Variants in FRMD4A observed in about 807,000 individuals in gnomAD.
The protein encoded by FRMD4A is FERM domain containing 4A.
A neutral mutation model predicts 129.1 loss-of-function variants in FRMD4A; 29 were observed. That is an observed-to-expected ratio of 0.22 (90% confidence interval 0.17 to 0.31). FRMD4A has a LOEUF of 0.31. Ranked by LOEUF, FRMD4A falls within the 10% of genes least tolerant of loss-of-function variation. The pLI is 1.00. For missense variants in FRMD4A, 1,272 were observed against 1,375.8 expected, an observed-to-expected ratio of 0.92 and a Z score of 1.19; for synonymous variants, 634 against 571.6, an observed-to-expected ratio of 1.11 and a Z score of -1.56.
chr10:14,036,236 T>A (rs1262756001), intron 2 of FRMD4A, among the ~76,000 whole-genome samples: 1 of 152,102 alleles, frequency 6.6e-6, no homozygotes, highest in Non-Finnish European at 1.5e-5. Context: ...AGCCTCTGAC[T>A]CCAAATGGTA....
chr10:13,900,077 C>T (rs2094801807), intron 2 of FRMD4A, among the ~76,000 whole-genome samples: 1 of 152,098 alleles, frequency 6.6e-6, no homozygotes, highest in Non-Finnish European at 1.5e-5. Context: ...CAAGTGAATC[C>T]TATTATATTT....
intron 2 of FRMD4A, among the ~76,000 whole-genome samples, chr10:14,324,061 G>A (rs562410561): frequency 6.6e-6 from 1 of 152,270 alleles, no homozygotes; most frequent in Admixed American, 6.5e-5. Context: ...GAGACTCCCT[G>A]GTCACATCAG....
In FRMD4A at chr10:13,884,130, ACGCTCACACACACTCTCACACACT is replaced by A. The variant is rs1564970297; in HGVS notation, c.46-25242_46-25219del. 7.4e-5 allele frequency among the ~76,000 whole-genome samples: 7 copies of A among 94,912 alleles called. No individual in the cohort carries two copies. In the East Asian group the frequency reaches 1.5e-3, roughly 21 times the overall value. 62.3% of individuals were successfully genotyped at this position (94,912 alleles called of 152,430 possible). On this transcript the variant is annotated intron_variant, in intron 2 of 24. Transcript: ENST00000357447. ...CACACACACACACACACTCACACAC[ACGCTCACACACACTCTCACACACT>A]CTCACACACACACTCACACACTCAC...
intron 2 of FRMD4A, among the ~76,000 whole-genome samples, chr10:14,180,657 C>T (rs531902028): frequency 6.6e-6 from 1 of 152,298 alleles, no homozygotes; most frequent in East Asian, 1.9e-4. Flanking sequence ...TGTTATGCAG[C>T]CAATGGATAC....
intron 2 of FRMD4A, among the ~76,000 whole-genome samples, chr10:14,043,671 C>A (rs754221176): frequency 3.9e-4 from 59 of 152,198 alleles, no homozygotes; most frequent in Admixed American, 1.2e-3. Flanking sequence ...TGCACAGCTG[C>A]CTGGACAGGC....
intron 2 of FRMD4A, among the ~76,000 whole-genome samples, chr10:14,208,018 G>A (rs1206638486): frequency 6.6e-6 from 1 of 152,030 alleles, no homozygotes; most frequent in East Asian, 1.9e-4. Flanking sequence ...GCAACACAGT[G>A]AGACTTCATC....
chr10:14,057,541 C>T (rs1474583193), intron 2 of FRMD4A, among the ~76,000 whole-genome samples: 3 of 151,524 alleles, frequency 2.0e-5, no homozygotes, highest in African/African-American at 7.3e-5. Flanking sequence ...AACCAAAGGC[C>T]TCCCTTCCTA....
chr10:14,104,211 TTACACTGCCACTGAGGTC>T (rs1216113204), intron 2 of FRMD4A, among the ~76,000 whole-genome samples: 2 of 151,384 alleles, frequency 1.3e-5, no homozygotes, highest in Non-Finnish European at 2.9e-5. Flanking sequence ...GCCATGGGGG[TTACACTGCCACTGAGGTC>T]TACACTGCCA....
intron 2 of FRMD4A, among the ~76,000 whole-genome samples, chr10:14,129,267 CA>C (rs1463444374): frequency 1.3e-5 from 2 of 150,676 alleles, no homozygotes; most frequent in Admixed American, 6.6e-5. Flanking sequence ...GGCACAGAGA[CA>C]TTTTTTTTCT....
chr10:13,970,076 T>A (rs1331174046), intron 2 of FRMD4A, among the ~76,000 whole-genome samples: 2 of 152,300 alleles, frequency 1.3e-5, no homozygotes, highest in African/African-American at 4.8e-5. Flanking sequence ...GGGGATTTTT[T>A]TTCCCCCAGG....
rs185317928 is a variant in FRMD4A at position 13,856,145 on chromosome 10, G to A, written c.111+2702C>T. Among the ~76,000 whole-genome samples the A allele has an allele frequency of 4.0e-5, 6 of 151,784 alleles. No individual in the cohort carries two copies. In the East Asian group the frequency reaches 1.2e-3, roughly 29 times the overall value. On this transcript the variant is annotated intron_variant, in intron 3 of 24. Transcript: ENST00000357447. ...GTATAGGTAGTGTGTATATCTCTCAGTGTGTAGATAGATTGTGTGTGTATC... is the reference window on the plus strand; with the variant it reads ...GTATAGGTAGTGTGTATATCTCTCAATGTGTAGATAGATTGTGTGTGTATC...
chr10:14,235,366 T>C (rs1843775054), intron 2 of FRMD4A, among the ~76,000 whole-genome samples: 1 of 151,504 alleles, frequency 6.6e-6, no homozygotes. Context: ...GCCAGTATGG[T>C]CTCGATCTCC....
chr10:14,135,716 T>C (rs1839497908), intron 2 of FRMD4A, among the ~76,000 whole-genome samples: 1 of 152,228 alleles, frequency 6.6e-6, no homozygotes, highest in Admixed American at 6.5e-5. Flanking sequence ...GAACACCAGA[T>C]GATACTTTCT....
chr10:14,186,808 C>G (rs1842159538), intron 2 of FRMD4A, among the ~76,000 whole-genome samples: 1 of 152,058 alleles, frequency 6.6e-6, no homozygotes, highest in Non-Finnish European at 1.5e-5. Context: ...GCCTTGGACA[C>G]AAGTTGTACC....
At chr10:13,668,360 A>G (rs568655743) in intron 17 of FRMD4A, 1 of 152,354 alleles carries the variant, frequency 6.6e-6, no homozygotes, top group Admixed American at 6.5e-5. Flanking sequence ...GGCACCAGAC[A>G]CTGATTCAGA....
chr10:13,882,188 C>G (rs1564966176), intron 2 of FRMD4A, among the ~76,000 whole-genome samples: 1 of 151,870 alleles, frequency 6.6e-6, no homozygotes, highest in African/African-American at 2.4e-5. Flanking sequence ...GGAAGCTGGC[C>G]AAAGGATAAG....
chr10:13,769,564 C>T (rs2092393128), intron 6 of FRMD4A, among the ~76,000 whole-genome samples: 1 of 152,130 alleles, frequency 6.6e-6, no homozygotes, highest in Admixed American at 6.5e-5. Flanking sequence ...CCCACCTCGG[C>T]CTCCCAAAGT....
chr10:13,845,667 A>G (rs1426288556), intron 3 of FRMD4A, among the ~76,000 whole-genome samples: 1 of 152,124 alleles, frequency 6.6e-6, no homozygotes, highest in Non-Finnish European at 1.5e-5. Flanking sequence ...GTTGTGCCAG[A>G]CAGTCTTGGG....
At chr10:14,298,598 T>C (rs1387003858) in intron 2 of FRMD4A, among the ~76,000 whole-genome samples, 4 of 152,120 alleles carry the variant, frequency 2.6e-5, no homozygotes, top group Admixed American at 1.3e-4. Context: ...TTAAAAAAAA[T>C]TAATTTTCAG....
Sources: gnomAD v4.1 joint callset for allele counts (sites outside exome capture counted in the v4.1 genomes callset) on GRCh38, gnomAD v4.1.1 for gene constraint, MANE v1.5 for transcripts, NCBI Gene and HGNC (gene_info 2026-07-23, HGNC 2026-07-21) for gene names.